The following VMP1 variants were observed in gnomAD, a reference collection of about 807,000 sequenced individuals.
VMP1 encodes the protein vacuole membrane protein 1, also known as ectopic P-granules autophagy protein 3 homolog.
In VMP1, 11 loss-of-function variants were observed where a neutral mutation model predicts 56.0. The ratio of observed to expected loss-of-function variants is 0.20; its 90% CI spans 0.12 to 0.32. The LOEUF (loss-of-function observed/expected upper bound fraction) is 0.32. VMP1 is among the 10% of genes least tolerant of loss of function. The pLI, the probability that VMP1 is intolerant of heterozygous loss-of-function variation, is 1.00. For synonymous variants in VMP1, 149 were observed against 165.0 expected, an observed-to-expected ratio of 0.90 and a Z score of 0.74; for missense variants, 296 against 490.3, an observed-to-expected ratio of 0.60 and a Z score of 3.74.
intron 10 of VMP1, among the ~76,000 whole-genome samples, chr17:59,819,222 C>G (rs1044356181): frequency 6.6e-6 from 1 of 152,070 alleles, no homozygotes; most frequent in African/African-American, 2.4e-5. Flanking sequence ...TTTTTGCTGC[C>G]TGAATCCTTA....
At chr17:59,826,314 G>C (rs746015739) in intron 10 of VMP1, among the ~76,000 whole-genome samples, 1 of 152,170 alleles carries the variant, frequency 6.6e-6, no homozygotes, top group African/African-American at 2.4e-5. Flanking sequence ...TGGGTACATT[G>C]TATTTGGAAG....
intron 7 of VMP1, among the ~76,000 whole-genome samples, chr17:59,806,783 G>T (rs2037857647): frequency 6.7e-6 from 1 of 150,126 alleles, no homozygotes; most frequent in Non-Finnish European, 1.5e-5. Flanking sequence ...ATCCCAAAAA[G>T]AAAAATTAAT....
Position 59,839,883 on chromosome 17 carries a change from G to C in VMP1, c.1193G>C (p.Arg398Pro), listed in dbSNP as rs368929171. Residue 398 changes from arginine (R) to proline (P), a missense_variant, in exon 12 of 12, where the codon CGG (arginine) becomes CCG (proline). Around this residue, in one of 4 missense-constraint regions of VMP1, gnomAD observed 95 missense variants for 137.6 expected, o/e 0.69. Coordinates refer to ENST00000262291, the MANE Select transcript of VMP1 (RefSeq NM_030938.5). The stretch of plus-strand genomic sequence containing the variant: ...AGTTATGCCAAACGAATCCAGCAGC[G>C]GTTGAACTCAGAGGAGAAAACTAAA... The part of the protein sequence containing the change: ...AQSYAKRIQQ[R>P]LNSEEKTK 1.9e-6 allele frequency: 3 copies of C among 1,612,110 alleles called. No homozygotes were observed. Among genetic ancestry groups the C allele is most frequent in the Middle Eastern group, 1.6e-4 (1 of 6,076 alleles).
chr17:59,726,601 C>T (rs2034616547), intron 1 of VMP1, among the ~76,000 whole-genome samples: 1 of 152,040 alleles, frequency 6.6e-6, no homozygotes, highest in Admixed American at 6.6e-5. Context: ...GCCAAACCCA[C>T]ATAGTTTTAA....
chr17:59,807,199 G>GTTTT (rs376878801), intron 7 of VMP1, among the ~76,000 whole-genome samples: 3 of 132,636 alleles, frequency 2.3e-5, no homozygotes, highest in Admixed American at 7.5e-5. Flanking sequence ...TTGTTTTTTT[G>GTTTT]TTTTTTTTTT....
At position 59,732,598 on chromosome 17, in the gene VMP1, C is replaced by T. The variant is rs76083484; in HGVS notation, c.76+1076C>T. On this transcript the variant is annotated intron_variant, in intron 2 of 11. Coordinates refer to ENST00000262291, the MANE Select transcript of VMP1 (RefSeq NM_030938.5). ...GCAGAGGACATTTTGCAGCACTGAT[C>T]TGACTTTTGGGTTACTTTGGTTGTC... Among the ~76,000 whole-genome samples, 508 of 152,298 alleles carry T rather than the reference C, an allele frequency of 3.3e-3. 1 individual carries two copies. Among genetic ancestry groups the T allele is most frequent in the Non-Finnish European group, 5.5e-3 (376 of 68,022 alleles).
At chr17:59,832,385 G>A (rs911093584) in intron 10 of VMP1, among the ~76,000 whole-genome samples, 2 of 150,836 alleles carry the variant, frequency 1.3e-5, no homozygotes, top group Non-Finnish European at 3.0e-5. Flanking sequence ...GGCTGGTCTC[G>A]AACTCCTGAG....
chr17:59,785,630 C>T (rs1456035414), intron 7 of VMP1, among the ~76,000 whole-genome samples: 1 of 145,340 alleles, frequency 6.9e-6, no homozygotes, highest in Non-Finnish European at 1.5e-5. Flanking sequence ...GCAGAGGTTG[C>T]AGTGAGCTGA....
At chr17:59,837,900 T>C (rs2039031902) in intron 10 of VMP1, 1 of 154,866 alleles carries the variant, frequency 6.5e-6, no homozygotes, top group Admixed American at 6.5e-5. Context: ...GAACTAGTGG[T>C]GATAAATGTG....
At chr17:59,763,567 G>T (rs1033779428) in intron 5 of VMP1, among the ~76,000 whole-genome samples, 2 of 151,958 alleles carry the variant, frequency 1.3e-5, no homozygotes, top group Non-Finnish European at 2.9e-5. Flanking sequence ...AGAAAATGCC[G>T]ATTCTATTTA....
intron 7 of VMP1, 41 bp from the exon 8 acceptor site, chr17:59,808,755 T>C: frequency 1.3e-6 from 2 of 1,501,982 alleles, no homozygotes; most frequent in Non-Finnish European, 1.8e-6. Flanking sequence ...TTCCTTCTTT[T>C]CCTACTTCTC....
chr17:59,794,133 G>C (rs181894019), intron 7 of VMP1, among the ~76,000 whole-genome samples: 1 of 150,094 alleles, frequency 6.7e-6, no homozygotes, highest in Non-Finnish European at 1.5e-5. Flanking sequence ...TGTTAGCCAG[G>C]ATGGTCTCAA....
At position 59,766,823 on chromosome 17, in the gene VMP1, G is replaced by A. The variant is rs373389690; in HGVS notation, c.582+1685G>A. On this transcript the variant is annotated intron_variant, in intron 6 of 11. Transcript: ENST00000262291. ...TTGAGACAGTCTTGCTCTGTCGCCC[G>A]GGCTAAAGTGTGGTAGCGCAATCTC... 8.5e-4 allele frequency among the ~76,000 whole-genome samples: 128 copies of A among 151,076 alleles called. 1 individual carries two copies. The highest frequency in any genetic ancestry group is 3.0e-3 in the Admixed American group (45 of 15,136).
chr17:59,774,421 A>AAAAG (rs201444735), intron 7 of VMP1, among the ~76,000 whole-genome samples: 5 of 151,584 alleles, frequency 3.3e-5, no homozygotes, highest in African/African-American at 7.2e-5. Flanking sequence ...CTAAAAAAAA[A>AAAAG]AAAGAAAGAA....
chr17:59,830,558 C>A (rs766928393), intron 10 of VMP1, among the ~76,000 whole-genome samples: 5 of 152,118 alleles, frequency 3.3e-5, no homozygotes, highest in Admixed American at 1.3e-4. Flanking sequence ...TTTTCTAAGA[C>A]AAAAGGCTTA....
intron 1 of VMP1, among the ~76,000 whole-genome samples, chr17:59,708,642 T>C (rs1442462593): frequency 6.6e-6 from 1 of 152,228 alleles, no homozygotes; most frequent in East Asian, 1.9e-4. Flanking sequence ...ACAGATTACA[T>C]TGATCATTTG....
intron 10 of VMP1, 64 bp downstream of exon 10, chr17:59,817,837 A>C: frequency 7.9e-7 from 1 of 1,270,782 alleles, no homozygotes; most frequent in Non-Finnish European, 1.1e-6. Flanking sequence ...AAATGTGTAC[A>C]AGACTGAATT....
chr17:59,738,519 T>G (rs937852955), intron 4 of VMP1, among the ~76,000 whole-genome samples: 1 of 152,216 alleles, frequency 6.6e-6, no homozygotes, highest in Admixed American at 6.5e-5. Context: ...ATTTTAAATA[T>G]ATCTAAAATT....
chr17:59,817,811 C>A, intron 10 of VMP1, 38 bp downstream of exon 10: 1 of 1,496,608 alleles, frequency 6.7e-7, no homozygotes, highest in Non-Finnish European at 9.2e-7. Context: ...AATATAATTA[C>A]TCTTTAAATG....
Sources: gnomAD v4.1 joint callset for allele counts (sites outside exome capture counted in the v4.1 genomes callset) on GRCh38, gnomAD v4.1.1 for gene constraint, gnomAD v4.1.1 regional missense constraint, MANE v1.5 for transcripts, NCBI Gene and HGNC (gene_info 2026-07-23, HGNC 2026-07-21) for gene names.